The following DBF4 variants were observed in gnomAD, a reference collection of about 807,000 sequenced individuals.
The protein encoded by DBF4 is protein DBF4 homolog A.
Under a neutral mutation model 76.6 loss-of-function variants are expected in DBF4, and 25 were observed. That is an observed-to-expected ratio of 0.33 (90% confidence interval 0.24 to 0.46). The LOEUF (loss-of-function observed/expected upper bound fraction) is 0.46. Among genes scored for constraint, DBF4 ranks in the 20% least tolerant of loss-of-function variants. The pLI, the probability that DBF4 is intolerant of heterozygous loss-of-function variation, is 1.00. For synonymous variants in DBF4, 213 were observed against 258.0 expected, an observed-to-expected ratio of 0.83 and a Z score of 1.67; for missense variants, 638 against 760.8, an observed-to-expected ratio of 0.84 and a Z score of 1.90.
intron 10 of DBF4, among the ~76,000 whole-genome samples, chr7:87,902,781 G>T (rs144488624): frequency 6.6e-6 from 1 of 152,204 alleles, no homozygotes; most frequent in East Asian, 1.9e-4. Context: ...TATATAATTT[G>T]TATATGGTAA....
chr7:87,893,427 A>T (rs1160756288), intron 6 of DBF4, among the ~76,000 whole-genome samples: 1 of 150,522 alleles, frequency 6.6e-6, no homozygotes, highest in Non-Finnish European at 1.5e-5. Flanking sequence ...TTGTATTTTT[A>T]GTAGAGACGG....
chr7:87,881,277 G>A (rs188359045), intron 2 of DBF4, among the ~76,000 whole-genome samples: 6 of 152,100 alleles, frequency 3.9e-5, no homozygotes, highest in East Asian at 1.9e-4. Flanking sequence ...GCATGGTGGC[G>A]CACACTTGTA....
At chr7:87,885,926 T>G (rs150771791) in intron 3 of DBF4, among the ~76,000 whole-genome samples, 205 of 152,328 alleles carry the variant, frequency 1.3e-3, no homozygotes, top group African/African-American at 4.6e-3. Context: ...AAATGAGAGA[T>G]AAAATGTTTA....
intron 8 of DBF4, among the ~76,000 whole-genome samples, chr7:87,899,037 T>C (rs1193826702): frequency 3.9e-5 from 6 of 152,102 alleles, no homozygotes; most frequent in Admixed American, 2.6e-4. Context: ...AAACTAGATA[T>C]ACACATGCAA....
rs1030048383 is a variant in DBF4 at position 87,876,638 on chromosome 7, G to C, written c.-95G>C. 1.8e-5 allele frequency: 25 copies of C among 1,377,570 alleles called. No homozygotes were observed. The highest frequency in any genetic ancestry group is 2.2e-5 in the Non-Finnish European group (22 of 984,610). 85.3% of individuals were successfully genotyped at this position (1,377,570 alleles called of 1,614,324 possible). On this transcript the variant is annotated 5_prime_UTR_variant, in exon 1 of 12. Coordinates refer to ENST00000265728, the MANE Select transcript of DBF4 (RefSeq NM_006716.4). ...CGTAGCTGGCGGAAGGAGAGAGGCG[G>C]CCGTCCTGTCAACAGGCCGGGGGAA...
intron 2 of DBF4, among the ~76,000 whole-genome samples, chr7:87,880,900 C>T (rs1413937248): frequency 6.6e-6 from 1 of 152,162 alleles, no homozygotes; most frequent in East Asian, 1.9e-4. Flanking sequence ...TGGAGAGGAA[C>T]AGAAATGTAG....
At chr7:87,891,171 T>G (rs1370620887) in intron 6 of DBF4, among the ~76,000 whole-genome samples, 2 of 150,152 alleles carry the variant, frequency 1.3e-5, no homozygotes, top group African/African-American at 4.8e-5. Flanking sequence ...TTTGGGCTTT[T>G]CTTTTTTTTT....
At chr7:87,901,711 C>T (rs192972531) in intron 10 of DBF4, among the ~76,000 whole-genome samples, 5 of 152,316 alleles carry the variant, frequency 3.3e-5, no homozygotes, top group African/African-American at 1.2e-4. Flanking sequence ...TGGATTCAGG[C>T]TGCCAGGTTT....
At chr7:87,901,565 TA>T (rs1183227089) in intron 10 of DBF4, among the ~76,000 whole-genome samples, 1 of 152,192 alleles carries the variant, frequency 6.6e-6, no homozygotes, top group East Asian at 1.9e-4. Context: ...GTGGGCTTAT[TA>T]TTTATAATGG....
chr7:87,879,213 C>T (rs538353736), intron 2 of DBF4, among the ~76,000 whole-genome samples: 5 of 152,152 alleles, frequency 3.3e-5, no homozygotes, highest in African/African-American at 1.2e-4. Context: ...CCTTCTAAAG[C>T]GCTGGGATTG....
chr7:87,887,429 ATTTGT>A (rs1839385082), intron 5 of DBF4, 31 bp downstream of exon 5: 2 of 1,533,056 alleles, frequency 1.3e-6, no homozygotes, highest in Non-Finnish European at 1.8e-6. Flanking sequence ...TTTTGACAGT[ATTTGT>A]TTTAAGTGTC....
chr7:87,883,215 A>G (rs948916071), intron 2 of DBF4, among the ~76,000 whole-genome samples: 19 of 152,192 alleles, frequency 1.2e-4, no homozygotes, highest in Non-Finnish European at 2.2e-4. Flanking sequence ...TGAGTTATCT[A>G]GAATAGCCAA....
At chr7:87,889,782 T>C (rs953750159) in intron 6 of DBF4, among the ~76,000 whole-genome samples, 1 of 152,188 alleles carries the variant, frequency 6.6e-6, no homozygotes, top group Non-Finnish European at 1.5e-5. Context: ...GGTCAGAAGT[T>C]TTATACCTTG....
At chr7:87,885,764 G>T (rs892729559) in intron 3 of DBF4, among the ~76,000 whole-genome samples, 5 of 152,166 alleles carry the variant, frequency 3.3e-5, no homozygotes, top group African/African-American at 1.2e-4. Flanking sequence ...AGCTTAAAAT[G>T]TGTACTGTCT....
At chr7:87,901,936 C>A (rs1839800136) in intron 10 of DBF4, among the ~76,000 whole-genome samples, 1 of 152,042 alleles carries the variant, frequency 6.6e-6, no homozygotes, top group South Asian at 2.1e-4. Flanking sequence ...GTTTTATAAA[C>A]CAAAATATAT....
chr7:87,889,532 A>G (rs1839436876), intron 6 of DBF4, among the ~76,000 whole-genome samples: 1 of 152,048 alleles, frequency 6.6e-6, no homozygotes, highest in Admixed American at 6.6e-5. Flanking sequence ...CACCCGCCTC[A>G]GCCTCCCAAA....
chr7:87,888,811 G>A (rs532769633), intron 6 of DBF4, among the ~76,000 whole-genome samples: 1 of 152,260 alleles, frequency 6.6e-6, no homozygotes, highest in Admixed American at 6.5e-5. Flanking sequence ...TCTCTCAGCT[G>A]TTGTCCATTT....
At chr7:87,906,442 A>G (rs1341330535) in intron 11 of DBF4, among the ~76,000 whole-genome samples, 1 of 151,748 alleles carries the variant, frequency 6.6e-6, no homozygotes, top group Non-Finnish European at 1.5e-5. Flanking sequence ...GAAAAATTGT[A>G]TTATTTCTCA....
chr7:87,889,857 A>G (rs1839443149), intron 6 of DBF4, among the ~76,000 whole-genome samples: 1 of 152,226 alleles, frequency 6.6e-6, no homozygotes, highest in African/African-American at 2.4e-5. Context: ...AGGAATTACA[A>G]GGATTAGATA....
Sources: allele counts gnomAD v4.1 joint callset (sites outside exome capture counted in the v4.1 genomes callset), GRCh38; gene constraint gnomAD v4.1.1; transcripts MANE v1.5; gene names NCBI Gene and HGNC (gene_info 2026-07-23, HGNC 2026-07-21).